Variants in RYR2 observed in about 807,000 individuals in gnomAD.
RYR2 encodes ryanodine receptor 2, also known as cardiac muscle ryanodine receptor-calcium release channel.
Under a neutral mutation model 601.1 loss-of-function variants are expected in RYR2, and 227 were observed. The ratio of observed to expected loss-of-function variants is 0.38; its 90% confidence interval spans 0.34 to 0.42. RYR2 has a LOEUF of 0.42. RYR2 is among the 10% of genes least tolerant of loss of function. The pLI, the probability that RYR2 is intolerant of heterozygous loss-of-function variation, is 1.00. For synonymous variants in RYR2, 2,223 were observed against 2,175.1 expected (o/e 1.02, Z -0.61); for missense variants, 4,646 against 6,156.5 (o/e 0.75, Z 8.21).
rs1015233494 is a variant in RYR2 at position 237,055,093 on chromosome 1, A to G, written c.48+12524A>G. ...ACGCTCCCAGCCCGCACCTTGGTAA[A>G]TGATCCCTCATTCACCTCTCTTCAG... On this transcript the variant is annotated intron_variant, in intron 1 of 104. Coordinates refer to ENST00000366574, the MANE Select transcript of RYR2 (RefSeq NM_001035.3). 1.1e-4 allele frequency among the ~76,000 whole-genome samples: 16 copies of G among 152,224 alleles called. 1 individual carries two copies. Among genetic ancestry groups the G allele is most frequent in the Middle Eastern group, 3.4e-3 (1 of 294 alleles).
chr1:237,081,915 A>T (rs1665729260), intron 1 of RYR2, among the ~76,000 whole-genome samples: 1 of 152,156 alleles, frequency 6.6e-6, no homozygotes, highest in South Asian at 2.1e-4. Flanking sequence ...GATCCCTGGG[A>T]GGCAGGAGAC....
intron 29 of RYR2, among the ~76,000 whole-genome samples, chr1:237,585,837 C>T (rs1674463189): frequency 1.3e-5 from 2 of 151,978 alleles, no homozygotes; most frequent in Non-Finnish European, 2.9e-5. Context: ...GGTATAATTG[C>T]TATAAACTAA....
At chr1:237,179,750 G>C (rs1242737211) in intron 1 of RYR2, among the ~76,000 whole-genome samples, 2 of 152,132 alleles carry the variant, frequency 1.3e-5, no homozygotes, top group Admixed American at 1.3e-4. Flanking sequence ...ATGTCTGGAA[G>C]AGCTGAGGGT....
At chr1:237,215,676 T>C (rs1247214990) in intron 1 of RYR2, among the ~76,000 whole-genome samples, 2 of 152,166 alleles carry the variant, frequency 1.3e-5, no homozygotes, top group African/African-American at 4.8e-5. Flanking sequence ...AGGAATTATA[T>C]AGGATGATAT....
At chr1:237,121,289 G>A (rs911147186) in intron 1 of RYR2, among the ~76,000 whole-genome samples, 4 of 152,100 alleles carry the variant, frequency 2.6e-5, no homozygotes, top group African/African-American at 9.7e-5. Context: ...TGATGAAACG[G>A]GGAAAGGAAG....
At position 237,610,883 on chromosome 1, in the gene RYR2, A is replaced by G; in HGVS notation, c.4805A>G (p.Gln1602Arg). 1 of 1,613,452 alleles carries G rather than the reference A, an allele frequency of 6.2e-7. No homozygotes were observed. The highest frequency in any genetic ancestry group is 1.3e-5 in the African/African-American group (1 of 75,030). Residue 1602 changes from glutamine (Q) to arginine (R), a missense_variant, in exon 36 of 105, where the codon CAG becomes CGG. Around this residue, in one of 17 missense-constraint regions of RYR2, gnomAD observed 1,807 missense variants for 2,088.1 expected, o/e 0.87. Coordinates refer to ENST00000366574, the MANE Select transcript of RYR2 (RefSeq NM_001035.3). The surrounding 1 kb of genome is among the most constrained non-coding windows in gnomAD (Gnocchi z 4.9). Reference sequence around the variant, plus strand: ...GTCCTGTGGAGCAGAATGCCCAACCAGTTTTTGAAGGTAGATGTGTCTCGA... The same window carrying G: ...GTCCTGTGGAGCAGAATGCCCAACCGGTTTTTGAAGGTAGATGTGTCTCGA... ...SHVLWSRMPN[Q>R]FLKVDVSRIS... is the part of the protein sequence containing the mutation.
At chr1:237,712,924 G>C (rs1289614534) in intron 71 of RYR2, among the ~76,000 whole-genome samples, 1 of 152,196 alleles carries the variant, frequency 6.6e-6, no homozygotes, top group Non-Finnish European at 1.5e-5. Context: ...CTCAGGCAGA[G>C]CAAATTAGCC....
At chr1:237,690,901 A>G (rs1686884729) in intron 63 of RYR2, among the ~76,000 whole-genome samples, 1 of 152,194 alleles carries the variant, frequency 6.6e-6, no homozygotes, top group Non-Finnish European at 1.5e-5. Flanking sequence ...TTATAACCCA[A>G]CTATTTACTT....
intron 2 of RYR2, among the ~76,000 whole-genome samples, chr1:237,287,563 A>G (rs1250204185): frequency 1.3e-5 from 2 of 152,144 alleles, no homozygotes; most frequent in Non-Finnish European, 2.9e-5. Context: ...CTTGTCTTCA[A>G]GGTCTGAATT....
chr1:237,054,150 C>A (rs533779305), intron 1 of RYR2, among the ~76,000 whole-genome samples: 1 of 151,780 alleles, frequency 6.6e-6, no homozygotes, highest in Non-Finnish European at 1.5e-5. Flanking sequence ...ATGCCAAAGC[C>A]CTTCTTTCTC....
At chr1:237,739,459 A>G (rs1288709638) in intron 79 of RYR2, among the ~76,000 whole-genome samples, 1 of 152,140 alleles carries the variant, frequency 6.6e-6, no homozygotes, top group Non-Finnish European at 1.5e-5. Context: ...GGTTTTACCA[A>G]TTTGAATAAG....
chr1:237,602,164 G>C, intron 35 of RYR2, 53 bp downstream of exon 35: 3 of 1,367,472 alleles, frequency 2.2e-6, no homozygotes, highest in Non-Finnish European at 2.1e-6. Context: ...TTAGGATATA[G>C]CATTGATTTA....
intron 14 of RYR2, among the ~76,000 whole-genome samples, chr1:237,449,054 T>TAC (rs940105110): frequency 1.1e-4 from 17 of 152,016 alleles, no homozygotes; most frequent in African/African-American, 3.9e-4. Flanking sequence ...AAAGAGGAGA[T>TAC]ACACACACAC....
chr1:237,689,701 C>T (rs1177395768), intron 63 of RYR2, among the ~76,000 whole-genome samples: 1 of 152,012 alleles, frequency 6.6e-6, no homozygotes, highest in Non-Finnish European at 1.5e-5. Flanking sequence ...TCTCAAAGCG[C>T]ATTTTTGCAC....
chr1:237,565,275 T>C (rs1572896010), intron 27 of RYR2, among the ~76,000 whole-genome samples: 2 of 113,718 alleles, frequency 1.8e-5, no homozygotes. Context: ...TGTTTGTTTG[T>C]TTTGTTTTGA....
intron 75 of RYR2, 69 bp from the exon 76 acceptor site, chr1:237,727,018 G>A (rs1247205731): frequency 2.5e-6 from 2 of 816,180 alleles, no homozygotes; most frequent in Non-Finnish European, 4.3e-6. Context: ...ATAGTTTGGG[G>A]TGTAAATATT....
At chr1:237,706,367 A>G (rs1688379136) in intron 67 of RYR2, among the ~76,000 whole-genome samples, 1 of 152,180 alleles carries the variant, frequency 6.6e-6, no homozygotes, top group African/African-American at 2.4e-5. Flanking sequence ...AGTTTTAGGA[A>G]AAGGGAATTT....
intron 35 of RYR2, among the ~76,000 whole-genome samples, chr1:237,605,074 A>T (rs1676955863): frequency 6.6e-6 from 1 of 152,188 alleles, no homozygotes; most frequent in Admixed American, 6.5e-5. Context: ...TCATTTTATG[A>T]GGCCAGCATC....
chr1:237,176,266 A>ATATATAT (rs1558371851), intron 1 of RYR2, among the ~76,000 whole-genome samples: 1 of 20,758 alleles, frequency 4.8e-5, no homozygotes, highest in Non-Finnish European at 2.6e-4. Flanking sequence ...TATATATATA[A>ATATATAT]AAAATGAAAT....
Sources: gnomAD v4.1 joint callset for allele counts (sites outside exome capture counted in the v4.1 genomes callset) on GRCh38, gnomAD v4.1.1 for gene constraint, gnomAD v4.1.1 regional missense constraint, Gnocchi (gnomAD v3.1) non-coding constraint, MANE v1.5 for transcripts, NCBI Gene and HGNC (gene_info 2026-07-23, HGNC 2026-07-21) for gene names.